Variants in NRG1 observed in about 807,000 individuals in gnomAD.
NRG1 encodes pro-neuregulin-1, membrane-bound isoform.
In NRG1, 18 loss-of-function variants were observed where a neutral mutation model predicts 63.8. The ratio of observed to expected loss-of-function variants is 0.28; its 90% CI spans 0.19 to 0.42. NRG1 has a LOEUF of 0.42. NRG1 is among the 10% of genes least tolerant of loss of function. The probability of loss-of-function intolerance (pLI) is 1.00; values close to 1 mark genes in which losing one functional copy is unlikely to be tolerated. For missense variants in NRG1, 762 were observed against 814.7 expected, an observed-to-expected ratio of 0.94 and a Z score of 0.79; for synonymous variants, 302 against 301.3, an observed-to-expected ratio of 1.00 and a Z score of -0.02.
exon 8 of NRG1, chr8:32,754,455 G>C (rs1829304074): frequency 1.2e-6 from 2 of 1,613,696 alleles, no homozygotes; most frequent in African/African-American, 1.3e-5. Context: ...CATGTGTGTG[G>C]TGGCCTACTG....
chr8:31,839,124 A>G (rs1176242857), intron 1 of NRG1, among the ~76,000 whole-genome samples: 3 of 152,206 alleles, frequency 2.0e-5, no homozygotes, highest in Non-Finnish European at 1.5e-5. Context: ...AGGTCTCCAT[A>G]GGTTTATTAA....
chr8:32,366,416 T>C (rs1293520016), intron 1 of NRG1, among the ~76,000 whole-genome samples: 1 of 151,978 alleles, frequency 6.6e-6, no homozygotes, highest in African/African-American at 2.4e-5. Context: ...TTAACTTTTT[T>C]AGCTCCCATA....
At chr8:32,677,596 G>A (rs142010981) in intron 5 of NRG1, among the ~76,000 whole-genome samples, 2,783 of 152,092 alleles carry the variant, frequency 0.018, 51 homozygotes, top group Non-Finnish European at 0.024. Flanking sequence ...AGACGAGGTT[G>A]CACTGAGCTG....
intron 7 of NRG1, among the ~76,000 whole-genome samples, chr8:32,748,358 C>CACACAGAGAGAGAGAG (rs748763782): frequency 3.0e-3 from 368 of 121,984 alleles, no homozygotes; most frequent in East Asian, 9.9e-3. Context: ...CACACACACA[C>CACACAGAGAGAGAGAG]AGAGAGAGAG....
At chr8:32,298,658 G>A (rs1855182881) in intron 1 of NRG1, among the ~76,000 whole-genome samples, 1 of 148,260 alleles carries the variant, frequency 6.7e-6, no homozygotes, top group Non-Finnish European at 1.5e-5. Flanking sequence ...AGGTTGCAGT[G>A]AGCCGAGACT....
At chr8:31,963,588 C>A (rs1805830271) in intron 1 of NRG1, among the ~76,000 whole-genome samples, 1 of 152,120 alleles carries the variant, frequency 6.6e-6, no homozygotes, top group Admixed American at 6.5e-5. Context: ...TACGTGGTGG[C>A]TTTCAAAATC....
intron 1 of NRG1, among the ~76,000 whole-genome samples, chr8:32,124,664 C>T (rs899576791): frequency 2.6e-5 from 4 of 151,820 alleles, no homozygotes; most frequent in African/African-American, 4.8e-5. Flanking sequence ...GTATCTATAA[C>T]GTGAATTTTT....
chr8:32,091,654 T>A lies in NRG1; in HGVS notation c.37+452223T>A, dbSNP rs150844629. On this transcript the variant is annotated intron_variant, in intron 1 of 10. Transcript: ENST00000519301. ...GGGCTCTACAAGGGCAAGACTGGAG[T>A]AGGAGCTAAAGTCAAGTTCCCATTG... 4.7e-4 allele frequency among the ~76,000 whole-genome samples: 71 copies of A among 151,754 alleles called. No homozygotes were observed. The East Asian group carries it at 0.011, about 25-fold the overall frequency.
At chr8:31,852,736 G>C (rs190637436) in intron 1 of NRG1, among the ~76,000 whole-genome samples, 1 of 152,302 alleles carries the variant, frequency 6.6e-6, no homozygotes, top group East Asian at 1.9e-4. Flanking sequence ...GGTTTTCATG[G>C]CTTTAGGTCT....
chr8:31,702,400 C>G (rs1404274145), intron 1 of NRG1, among the ~76,000 whole-genome samples: 2 of 151,942 alleles, frequency 1.3e-5, no homozygotes, highest in African/African-American at 4.8e-5. Flanking sequence ...TTGGGTAATA[C>G]TTACTTTAAA....
chr8:31,892,892 GA>G (rs1831262749), intron 1 of NRG1, among the ~76,000 whole-genome samples: 1 of 151,834 alleles, frequency 6.6e-6, no homozygotes, highest in Non-Finnish European at 1.5e-5. Context: ...TTTGGAATTT[GA>G]AAAATATATA....
At chr8:32,401,206 C>A (rs1813148655) in intron 1 of NRG1, among the ~76,000 whole-genome samples, 1 of 152,014 alleles carries the variant, frequency 6.6e-6, no homozygotes, top group Non-Finnish European at 1.5e-5. Flanking sequence ...TGCTTATTAC[C>A]TGGGCGATGA....
intron 1 of NRG1, among the ~76,000 whole-genome samples, chr8:31,988,844 C>T (rs1810532720): frequency 6.6e-6 from 1 of 152,068 alleles, no homozygotes; most frequent in South Asian, 2.1e-4. Flanking sequence ...AGTTCTGCTT[C>T]CCAAGTTCAT....
At chr8:31,945,822 T>A (rs906064256) in intron 1 of NRG1, among the ~76,000 whole-genome samples, 1 of 152,238 alleles carries the variant, frequency 6.6e-6, no homozygotes, top group African/African-American at 2.4e-5. Context: ...GATCTGTAAC[T>A]CCTCTCAGAC....
intron 1 of NRG1, among the ~76,000 whole-genome samples, chr8:32,574,557 T>C (rs1474704842): frequency 6.6e-6 from 1 of 152,150 alleles, no homozygotes; most frequent in Non-Finnish European, 1.5e-5. Flanking sequence ...GCTGTCCTCA[T>C]GATAATGACT....
At chr8:32,006,524 G>T (rs1415154999) in intron 1 of NRG1, among the ~76,000 whole-genome samples, 1 of 152,048 alleles carries the variant, frequency 6.6e-6, no homozygotes, top group African/African-American at 2.4e-5. Flanking sequence ...TCAAAGCAGA[G>T]AAATTTCTCG....
intron 1 of NRG1, among the ~76,000 whole-genome samples, chr8:32,394,263 T>G (rs1261858057): frequency 2.6e-5 from 4 of 152,244 alleles, no homozygotes; most frequent in African/African-American, 9.6e-5. Context: ...ATCTCCATGC[T>G]GAGTAGCTGG....
chr8:32,719,973 T>C (rs1211045712), intron 5 of NRG1, among the ~76,000 whole-genome samples: 1 of 152,172 alleles, frequency 6.6e-6, no homozygotes, highest in Non-Finnish European at 1.5e-5. Context: ...TCGGTATCCA[T>C]TGAAATGACC....
intron 1 of NRG1, among the ~76,000 whole-genome samples, chr8:32,557,008 G>GTT (rs970162950): frequency 6.6e-6 from 1 of 151,734 alleles, no homozygotes; most frequent in Non-Finnish European, 1.5e-5. Context: ...TTGTTTTTTG[G>GTT]TTTTTGGTTT....
Sources: allele counts gnomAD v4.1 joint callset (sites outside exome capture counted in the v4.1 genomes callset), GRCh38; gene constraint gnomAD v4.1.1; transcripts MANE v1.5; gene names NCBI Gene and HGNC (gene_info 2026-07-23, HGNC 2026-07-21).